Variants in USP34 observed in about 807,000 individuals in gnomAD.
The protein encoded by USP34 is ubiquitin specific peptidase 34.
USP34 carries 70 observed loss-of-function variants against 460.3 expected under a neutral mutation model. The observed-to-expected ratio is 0.15, with a 90% CI of 0.13 to 0.19. The LOEUF is 0.19. USP34 is among the 10% of genes least tolerant of loss of function. The probability of loss-of-function intolerance (pLI) is 1.00; values close to 1 mark genes in which losing one functional copy is unlikely to be tolerated. For missense variants in USP34, 3,985 were observed against 4,236.2 expected (o/e 0.94, Z 1.65); for synonymous variants, 1,647 against 1,405.3 (o/e 1.17, Z -3.85).
chr2:61,328,076 G>C (rs1691149601), intron 20 of USP34, among the ~76,000 whole-genome samples: 1 of 152,058 alleles, frequency 6.6e-6, no homozygotes, highest in African/African-American at 2.4e-5. Context: ...GCGGAGGCGG[G>C]TGGATCGCCT....
chr2:61,190,671 G>A lies in USP34; in HGVS notation c.9589-13C>T, dbSNP rs1483543756. On this transcript the variant is annotated splice_polypyrimidine_tract_variant and intron_variant, in intron 76 of 79. Transcript: ENST00000398571. ...TTGACATAGCAGACTAAAGTGGGGA[G>A]AAGATGGTTGAGCACTTACGGTTGA... 5 of 1,609,470 alleles carry A rather than the reference G, an allele frequency of 3.1e-6. No homozygotes were observed. In the African/African-American group the frequency reaches 6.7e-5, roughly 22 times the overall value.
At chr2:61,423,484 CAAG>C (rs1445782462) in intron 1 of USP34, among the ~76,000 whole-genome samples, 1 of 151,698 alleles carries the variant, frequency 6.6e-6, no homozygotes, top group Admixed American at 6.6e-5. Flanking sequence ...AAAAATGAAA[CAAG>C]GAGGAAAAGA....
intron 1 of USP34, among the ~76,000 whole-genome samples, chr2:61,451,898 G>A (rs1045669553): frequency 3.7e-4 from 57 of 152,082 alleles, no homozygotes; most frequent in African/African-American, 1.0e-3. Flanking sequence ...ATTGAAAGCC[G>A]GGCGCAGTGG....
intron 78 of USP34, 72 bp downstream of exon 78, chr2:61,190,199 T>C (rs978663597): frequency 4.6e-6 from 7 of 1,509,000 alleles, no homozygotes; most frequent in Non-Finnish European, 6.2e-6. Flanking sequence ...GAGAGTAAAA[T>C]CATATGAAGG....
Position 61,293,564 on chromosome 2 carries a change from T to C in USP34, c.4462-14A>G. The stretch of plus-strand genomic sequence containing the variant: ...AGCAGCAACAAACTGTAGGCAATTG[T>C]GAAAGTAATAGTAAGAGAAAAGCAG... On this transcript the variant is annotated splice_polypyrimidine_tract_variant and intron_variant, in intron 32 of 79. Transcript: ENST00000398571. 1.9e-6 allele frequency: 3 copies of C among 1,603,182 alleles called. No individual in the cohort carries two copies. The highest frequency in any genetic ancestry group is 1.7e-4 in the Middle Eastern group (1 of 6,032).
At chr2:61,459,609 T>C (rs950497088) in intron 1 of USP34, among the ~76,000 whole-genome samples, 3 of 151,900 alleles carry the variant, frequency 2.0e-5, no homozygotes, top group Non-Finnish European at 4.4e-5. Context: ...ACCCCGTCTC[T>C]ACTAAAAATA....
chr2:61,458,704 G>C (rs993442586), intron 1 of USP34, among the ~76,000 whole-genome samples: 13 of 87,198 alleles, frequency 1.5e-4, no homozygotes, highest in Admixed American at 4.3e-4. Flanking sequence ...ACAAGTCAAG[G>C]TAGGCCATAT....
intron 37 of USP34, among the ~76,000 whole-genome samples, chr2:61,282,870 T>C (rs1689575705): frequency 6.6e-6 from 1 of 152,094 alleles, no homozygotes; most frequent in South Asian, 2.1e-4. Context: ...AAGCCCTTCC[T>C]ACTACCTGGA....
Position 61,288,650 on chromosome 2 carries a change from C to A in USP34, c.4749+27G>T, listed in dbSNP as rs369951736. On this transcript the variant is annotated intron_variant, in intron 34 of 79. Coordinates refer to ENST00000398571, the MANE Select transcript of USP34 (RefSeq NM_014709.4). The stretch of plus-strand genomic sequence containing the variant: ...GTTTATAAAAATAAATGGAATTCAT[C>A]ATTAAACATTAATTTCTGCACTTTA... 6 of 1,600,532 alleles carry A rather than the reference C, an allele frequency of 3.7e-6. No homozygotes were observed. The African/African-American group carries it at 5.4e-5, about 14-fold the overall frequency.
intron 75 of USP34, among the ~76,000 whole-genome samples, chr2:61,198,463 C>A (rs1316217531): frequency 6.6e-6 from 1 of 152,112 alleles, no homozygotes; most frequent in Non-Finnish European, 1.5e-5. Flanking sequence ...GCCAAATTGC[C>A]TCCCAAATGG....
At chr2:61,390,263 T>C (rs1018282074) in intron 5 of USP34, among the ~76,000 whole-genome samples, 4 of 152,194 alleles carry the variant, frequency 2.6e-5, no homozygotes, top group African/African-American at 7.2e-5. Flanking sequence ...AGGTGTTATG[T>C]ATGAAATGAC....
intron 1 of USP34, among the ~76,000 whole-genome samples, chr2:61,452,066 C>T (rs1157132596): frequency 1.3e-5 from 2 of 150,094 alleles, no homozygotes; most frequent in African/African-American, 2.4e-5. Flanking sequence ...CCCAGCTACT[C>T]GGGAGGCTGA....
chr2:61,318,648 T>C (rs986970676), intron 22 of USP34, among the ~76,000 whole-genome samples: 3 of 152,234 alleles, frequency 2.0e-5, no homozygotes, highest in African/African-American at 7.2e-5. Context: ...TCACCTGAAC[T>C]GTGGCATGTG....
At chr2:61,439,319 T>G (rs1283145133) in intron 1 of USP34, among the ~76,000 whole-genome samples, 2 of 152,124 alleles carry the variant, frequency 1.3e-5, no homozygotes, top group Non-Finnish European at 2.9e-5. Context: ...TTGACCCTCA[T>G]GCCCTGTGCT....
At chr2:61,207,963 G>C (rs1687166381) in intron 70 of USP34, 1 of 152,360 alleles carries the variant, frequency 6.6e-6, no homozygotes, top group East Asian at 1.9e-4. Flanking sequence ...CTCTTGGCAT[G>C]TTTATCAGAC....
chr2:61,434,609 A>G (rs1056033572), intron 1 of USP34, among the ~76,000 whole-genome samples: 2 of 152,210 alleles, frequency 1.3e-5, no homozygotes, highest in Non-Finnish European at 2.9e-5. Flanking sequence ...TCCTCATCCT[A>G]GGCTGCTGAG....
At chr2:61,260,317 T>C (rs1688841090) in intron 43 of USP34, among the ~76,000 whole-genome samples, 1 of 152,220 alleles carries the variant, frequency 6.6e-6, no homozygotes, top group South Asian at 2.1e-4. Context: ...ATTAGAGATT[T>C]AGTATTGAAC....
At chr2:61,366,655 G>A (rs190072125) in intron 10 of USP34, among the ~76,000 whole-genome samples, 9 of 152,150 alleles carry the variant, frequency 5.9e-5, no homozygotes, top group Admixed American at 2.0e-4. Context: ...ACTATTCCCC[G>A]AGAAGTTGCC....
intron 48 of USP34, among the ~76,000 whole-genome samples, chr2:61,252,306 AT>A (rs1316641669): frequency 6.6e-6 from 1 of 152,162 alleles, no homozygotes; most frequent in Middle Eastern, 3.2e-3. Context: ...TAAAATGGAG[AT>A]TACCTACCCG....
Sources: gnomAD v4.1 joint callset for allele counts (sites outside exome capture counted in the v4.1 genomes callset) on GRCh38, gnomAD v4.1.1 for gene constraint, MANE v1.5 for transcripts, NCBI Gene and HGNC (gene_info 2026-07-23, HGNC 2026-07-21) for gene names.